Variants in LRRC4C observed in about 807,000 individuals in gnomAD.
LRRC4C encodes leucine rich repeat containing 4C, also known as leucine-rich repeat-containing protein 4C.
Under a neutral mutation model 33.6 loss-of-function variants are expected in LRRC4C, and 5 were observed. The observed-to-expected ratio is 0.15, with a 90% CI of 0.08 to 0.31. The LOEUF (loss-of-function observed/expected upper bound fraction) is 0.31, where lower values mean the gene tolerates loss of function less well. Ranked by LOEUF, LRRC4C falls within the 10% of genes least tolerant of loss-of-function variation. LRRC4C has a pLI of 1.00. For missense variants in LRRC4C, 560 were observed against 796.7 expected, an observed-to-expected ratio of 0.70 and a Z score of 3.58; for synonymous variants, 329 against 302.0, an observed-to-expected ratio of 1.09 and a Z score of -0.93.
chr11:40,657,775 G>T (rs117364066), intron 2 of LRRC4C, among the ~76,000 whole-genome samples: 21 of 152,308 alleles, frequency 1.4e-4, no homozygotes, highest in Admixed American at 8.5e-4. Flanking sequence ...ACTCCCTGAG[G>T]CTGTGTCACA....
chr11:40,457,045 G>A (rs1467819725), intron 3 of LRRC4C, among the ~76,000 whole-genome samples: 2 of 148,964 alleles, frequency 1.3e-5, no homozygotes, highest in East Asian at 2.0e-4. Context: ...TTAAAATGAG[G>A]AGATTTTAAA....
intron 3 of LRRC4C, among the ~76,000 whole-genome samples, chr11:40,432,152 T>C (rs1036326760): frequency 6.6e-6 from 1 of 151,902 alleles, no homozygotes; most frequent in Admixed American, 6.6e-5. Context: ...TTGATGGGCT[T>C]ATATCCTGTT....
intron 5 of LRRC4C, among the ~76,000 whole-genome samples, chr11:40,212,238 T>C (rs909270991): frequency 6.6e-6 from 1 of 152,186 alleles, no homozygotes; most frequent in African/African-American, 2.4e-5. Context: ...CAGTTGTTGA[T>C]ATATTCACCA....
chr11:40,749,229 A>G (rs1388954117), intron 2 of LRRC4C, among the ~76,000 whole-genome samples: 1 of 152,144 alleles, frequency 6.6e-6, no homozygotes, highest in Non-Finnish European at 1.5e-5. Context: ...TAGATCACAA[A>G]ACAAATTCAA....
chr11:40,490,932 C>CACAG (rs1479458907), intron 3 of LRRC4C, among the ~76,000 whole-genome samples: 2 of 151,984 alleles, frequency 1.3e-5, no homozygotes, highest in Non-Finnish European at 2.9e-5. Flanking sequence ...CTTGTCTAAA[C>CACAG]ACAGACTACT....
At chr11:40,311,698 G>A (rs557012123) in intron 4 of LRRC4C, among the ~76,000 whole-genome samples, 17 of 152,112 alleles carry the variant, frequency 1.1e-4, no homozygotes, top group East Asian at 5.8e-4. Flanking sequence ...TGTAATCCCA[G>A]TATTTTGGGA....
At chr11:40,208,017 T>G (rs1863287780) in intron 5 of LRRC4C, among the ~76,000 whole-genome samples, 1 of 152,170 alleles carries the variant, frequency 6.6e-6, no homozygotes, top group African/African-American at 2.4e-5. Context: ...TAAGGAAACC[T>G]ACTTGCTTAT....
rs184146770 is a variant in LRRC4C, at chr11:41,402,444, G to A, written c.-496+56987C>T. ...CTACAGGTCAGTGCTTATGTCCATT[G>A]ATAAAAGTATTCCTTTCAGCAGACA... On this transcript the variant is annotated intron_variant, in intron 1 of 6. Transcript: ENST00000528697. Among the ~76,000 whole-genome samples, 4 of 152,156 alleles carry A rather than the reference G, an allele frequency of 2.6e-5. No individual in the cohort carries two copies. The East Asian group carries it at 7.8e-4, about 30-fold the overall frequency.
chr11:40,400,115 AG>A (rs1185147859), intron 3 of LRRC4C, among the ~76,000 whole-genome samples: 1 of 152,062 alleles, frequency 6.6e-6, no homozygotes, highest in Non-Finnish European at 1.5e-5. Context: ...ATAGGTTGAG[AG>A]GAGAAATGTA....
intron 1 of LRRC4C, among the ~76,000 whole-genome samples, chr11:41,115,491 T>G (rs1404214668): frequency 5.3e-5 from 8 of 152,052 alleles, no homozygotes; most frequent in Non-Finnish European, 1.5e-5. Flanking sequence ...TTGCTATTCA[T>G]TCTTTTCTGC....
At chr11:41,141,115 G>A (rs1400449138) in intron 1 of LRRC4C, among the ~76,000 whole-genome samples, 1 of 152,110 alleles carries the variant, frequency 6.6e-6, no homozygotes, top group Non-Finnish European at 1.5e-5. Context: ...CAACTTCAAA[G>A]CAAAAAGTTT....
chr11:40,403,188 T>C (rs1055527255), intron 3 of LRRC4C, among the ~76,000 whole-genome samples: 1 of 152,104 alleles, frequency 6.6e-6, no homozygotes, highest in African/African-American at 2.4e-5. Context: ...TTAAGCCATA[T>C]CATATGATTC....
intron 3 of LRRC4C, among the ~76,000 whole-genome samples, chr11:40,636,002 T>G (rs1007505904): frequency 2.6e-5 from 4 of 151,940 alleles, no homozygotes; most frequent in Non-Finnish European, 5.9e-5. Flanking sequence ...AGGAACAACA[T>G]AAGTAAAAAG....
At chr11:40,576,159 G>C (rs1958182917) in intron 3 of LRRC4C, among the ~76,000 whole-genome samples, 1 of 152,228 alleles carries the variant, frequency 6.6e-6, no homozygotes, top group Admixed American at 6.5e-5. Context: ...AAGGTCTGTA[G>C]AGAGGGATGA....
chr11:41,249,412 G>T (rs572926465), intron 1 of LRRC4C, among the ~76,000 whole-genome samples: 1 of 152,202 alleles, frequency 6.6e-6, no homozygotes, highest in African/African-American at 2.4e-5. Context: ...GTATTATTTG[G>T]CATGTAGATG....
intron 3 of LRRC4C, among the ~76,000 whole-genome samples, chr11:40,483,071 C>T (rs9988818): frequency 0.012 from 1,832 of 152,264 alleles, 43 homozygotes; most frequent in Admixed American, 0.036. Flanking sequence ...TACACAGCCA[C>T]AACATATACA....
At chr11:40,923,612 C>T (rs2136385394) in intron 2 of LRRC4C, among the ~76,000 whole-genome samples, 1 of 152,184 alleles carries the variant, frequency 6.6e-6, no homozygotes, top group South Asian at 2.1e-4. Flanking sequence ...ATAATGGATG[C>T]AAAATGTAAG....
chr11:40,588,760 G>A (rs1958888121), intron 3 of LRRC4C, among the ~76,000 whole-genome samples: 1 of 152,170 alleles, frequency 6.6e-6, no homozygotes, highest in African/African-American at 2.4e-5. Context: ...GGAGCAGGTT[G>A]TTCAGTTTCC....
Position 40,988,712 on chromosome 11 carries a change from T to TC in LRRC4C, c.-495-54990dup, listed in dbSNP as rs1491577674. On this transcript the variant is annotated intron_variant, in intron 1 of 6. Coordinates refer to ENST00000528697, the MANE Select transcript of LRRC4C (RefSeq NM_001258419.2). ...GCATTTGTTTTCCTTTCTTTTCTTT[T>TC]CTTTTTTTTTTTTTTTTTTTTTGAG... Among the ~76,000 whole-genome samples, 510 of 61,190 alleles carry TC rather than the reference T, an allele frequency of 8.3e-3. 8 individuals carry two copies. Among genetic ancestry groups the TC allele is most frequent in the East Asian group, 0.015 (23 of 1,542 alleles). The allele number at this position is 61,190 out of a possible 152,430, so 40.1% of individuals were successfully genotyped here.
Sources: gnomAD v4.1 joint callset for allele counts (sites outside exome capture counted in the v4.1 genomes callset) on GRCh38, gnomAD v4.1.1 for gene constraint, MANE v1.5 for transcripts, NCBI Gene and HGNC (gene_info 2026-07-23, HGNC 2026-07-21) for gene names.